Variants in NLRP7 observed in about 807,000 individuals in gnomAD.
The protein encoded by NLRP7 is NACHT, LRR and PYD domains-containing protein 7.
NLRP7 carries 72 observed loss-of-function variants against 85.5 expected under a neutral mutation model. The ratio of observed to expected loss-of-function variants is 0.84; its 90% CI spans 0.70 to 1.02. The LOEUF (loss-of-function observed/expected upper bound fraction) is 1.02. Among genes scored for constraint, NLRP7 ranks in the 50% least tolerant of loss-of-function variants. NLRP7 has a pLI of 0.00. For synonymous variants in NLRP7, 550 were observed against 505.2 expected (o/e 1.09, Z -1.19); for missense variants, 1,243 against 1,219.5 (o/e 1.02, Z -0.29).
At chr19:54,927,866 T>G in intron 9 of NLRP7, 91 bp from the exon 10 acceptor site, 6 of 1,140,602 alleles carry the variant, frequency 5.3e-6, no homozygotes, top group Non-Finnish European at 7.9e-6. Context: ...CCAAGGCGGG[T>G]GGATCACTTG....
intron 5 of NLRP7, 83 bp downstream of exon 5, chr19:54,937,956 AACAGC>A: frequency 1.0e-6 from 1 of 996,858 alleles, no homozygotes; most frequent in Non-Finnish European, 1.6e-6. Flanking sequence ...ATGGAGATGA[AACAGC>A]ACATTTCCAA....
chr19:54,949,220 G>A (rs1418941465), upstream of NLRP7, among the ~76,000 whole-genome samples: 2 of 151,692 alleles, frequency 1.3e-5, no homozygotes, highest in South Asian at 2.1e-4. Flanking sequence ...GGAGGTTGCC[G>A]TGAGCCGAGA....
At chr19:54,952,502 G>A (rs999941925), upstream of NLRP7, among the ~76,000 whole-genome samples, 11 of 151,932 alleles carry the variant, frequency 7.2e-5, no homozygotes, top group Admixed American at 6.6e-4. Flanking sequence ...GCTGAGGCAA[G>A]AGAATTACTT....
At chr19:54,935,532 T>C (rs2068876706) in intron 6 of NLRP7, among the ~76,000 whole-genome samples, 2 of 151,914 alleles carry the variant, frequency 1.3e-5, no homozygotes, top group South Asian at 2.1e-4. Context: ...CCTGTCTCTA[T>C]TAAAAATACA....
chr19:54,927,606 T>C, intron 9 of NLRP7: 1 of 1,613,730 alleles, frequency 6.2e-7, no homozygotes, highest in East Asian at 2.2e-5. Flanking sequence ...AACCCATACC[T>C]GAGTATCTTC....
exon 3 of NLRP7, chr19:54,940,995 C>T (rs1473231493): frequency 6.2e-7 from 1 of 1,609,204 alleles, no homozygotes; most frequent in Admixed American, 1.7e-5. Context: ...TTTCTTGCAC[C>T]TGTCCGTCCT....
At position 54,930,683 on chromosome 19, in the gene NLRP7, GGAAGA is replaced by G; in HGVS notation, c.2643-22_2643-18del. The G allele has an allele frequency of 6.2e-7, 1 of 1,611,074 alleles. No homozygotes were observed. Among genetic ancestry groups the G allele is most frequent in the Non-Finnish European group, 8.5e-7 (1 of 1,177,432 alleles). On this transcript the variant is annotated intron_variant, in intron 8 of 9. Coordinates refer to ENST00000340844, the Ensembl canonical transcript of NLRP7. ...TGCTGTAACCTACAGGATAATCAAAGGAAGAGAAGCCTGTTATCCCTCTGGCTAAC... is the reference window on the plus strand; with the variant it reads ...TGCTGTAACCTACAGGATAATCAAAGGAAGCCTGTTATCCCTCTGGCTAAC...
chr19:54,937,752 C>T (rs1488407888), intron 5 of NLRP7, among the ~76,000 whole-genome samples: 5 of 151,740 alleles, frequency 3.3e-5, no homozygotes, highest in Non-Finnish European at 1.5e-5. Flanking sequence ...ACAAAATTAG[C>T]CGGGCAAGGT....
At chr19:54,923,659 A>C (rs1429179126) in exon 10 of NLRP7, 1 of 1,466,498 alleles carries the variant, frequency 6.8e-7, no homozygotes, top group Admixed American at 1.7e-5. Context: ...TTAACATGTG[A>C]CCCTCTGACC....
intron 1 of NLRP7, among the ~76,000 whole-genome samples, chr19:54,962,469 C>T (rs965616717): frequency 1.3e-5 from 2 of 151,496 alleles, no homozygotes; most frequent in African/African-American, 2.4e-5. Flanking sequence ...TGGGATTTCA[C>T]CATGTTGGTC....
intron 1 of NLRP7, among the ~76,000 whole-genome samples, chr19:54,962,662 C>T (rs530081197): frequency 3.7e-4 from 56 of 151,184 alleles, no homozygotes; most frequent in Non-Finnish European, 7.7e-4. Context: ...TGCAGTGGCG[C>T]GATCTCAGCT....
chr19:54,941,105 T>C, intron 2 of NLRP7, 100 bp from the exon 3 acceptor site: 2 of 910,118 alleles, frequency 2.2e-6, no homozygotes, highest in Admixed American at 1.7e-5. Context: ...GGCTCATGCC[T>C]GTAATCACAG....
upstream of NLRP7, among the ~76,000 whole-genome samples, chr19:54,949,463 AAGAG>A (rs150203367): frequency 1.9e-3 from 287 of 149,926 alleles, no homozygotes; most frequent in African/African-American, 6.4e-3. Flanking sequence ...AGCTGACAAA[AAGAG>A]AGAGAGAGTA....
chr19:54,957,180 CT>C (rs1306863100), intron 1 of NLRP7, among the ~76,000 whole-genome samples: 2 of 151,040 alleles, frequency 1.3e-5, no homozygotes. Flanking sequence ...ACCACCACAC[CT>C]GGCTAATTTT....
chr19:54,940,055 A>G, exon 4 of NLRP7: 1 of 1,614,162 alleles, frequency 6.2e-7, no homozygotes, highest in Non-Finnish European at 8.5e-7. Context: ...CAGCTCATCA[A>G]GGCCATCGAC....
intron 1 of NLRP7, among the ~76,000 whole-genome samples, chr19:54,962,820 C>T (rs1487696985): frequency 1.3e-5 from 2 of 149,816 alleles, no homozygotes; most frequent in African/African-American, 2.4e-5. Context: ...AGGATGGTCT[C>T]CATCTCCTGA....
chr19:54,960,141 TTTTG>T (rs1361199504), intron 1 of NLRP7, among the ~76,000 whole-genome samples: 18 of 152,074 alleles, frequency 1.2e-4, no homozygotes, highest in East Asian at 7.7e-4. Context: ...TTCTTGTTTT[TTTTG>T]TTTGTTTGTT....
chr19:54,949,219 C>T (rs754966394), upstream of NLRP7, among the ~76,000 whole-genome samples: 3 of 151,292 alleles, frequency 2.0e-5, no homozygotes, highest in Admixed American at 6.6e-5. Flanking sequence ...TGGAGGTTGC[C>T]GTGAGCCGAG....
At chr19:54,947,889 T>TA (rs151055964), upstream of NLRP7, 141 of 248,630 alleles carry the variant, frequency 5.7e-4, no homozygotes, top group Middle Eastern at 3.4e-3. Context: ...AAATAAAAAT[T>TA]AAAAAAAAAG....
Sources: allele counts gnomAD v4.1 joint callset (sites outside exome capture counted in the v4.1 genomes callset), GRCh38; gene constraint gnomAD v4.1.1; transcripts MANE v1.5; gene names NCBI Gene and HGNC (gene_info 2026-07-23, HGNC 2026-07-21).